The following P4HA3 variants were observed in gnomAD, a reference collection of about 807,000 sequenced individuals.
P4HA3 encodes the protein prolyl 4-hydroxylase subunit alpha 3.
Under a neutral mutation model 66.7 loss-of-function variants are expected in P4HA3, and 60 were observed. The observed-to-expected ratio is 0.90, with a 90% CI of 0.73 to 1.12. The LOEUF (loss-of-function observed/expected upper bound fraction) is 1.12. Ranked by LOEUF, P4HA3 falls within the 50% of genes most tolerant of loss-of-function variation. The pLI is 0.00. For synonymous variants in P4HA3, 263 were observed against 274.6 expected (o/e 0.96, Z 0.42); for missense variants, 683 against 685.8 (o/e 1.00, Z 0.05).
At chr11:74,303,293 T>C in intron 2 of P4HA3, among the ~76,000 whole-genome samples, 1 of 54,138 alleles carries the variant, frequency 1.8e-5, no homozygotes, top group African/African-American at 7.9e-5. Context: ...AACAAACTTC[T>C]TTTTTTTTTT....
At chr11:74,306,333 G>T (rs1861580692) in intron 1 of P4HA3, among the ~76,000 whole-genome samples, 1 of 152,186 alleles carries the variant, frequency 6.6e-6, no homozygotes, top group Non-Finnish European at 1.5e-5. Context: ...ATAGGCAAAA[G>T]ATGCTGTTTC....
intron 15 of P4HA3, chr11:74,251,821 T>G (rs746352218): frequency 2.2e-6 from 3 of 1,372,176 alleles, no homozygotes; most frequent in Non-Finnish European, 3.1e-6. Context: ...CCTGGTTTGG[T>G]CACCATGCCT....
chr11:74,303,149 C>G (rs1241888319), intron 2 of P4HA3, among the ~76,000 whole-genome samples: 1 of 152,058 alleles, frequency 6.6e-6, no homozygotes, highest in Non-Finnish European at 1.5e-5. Flanking sequence ...GAGACAGGGT[C>G]TTGCTATGTT....
intron 9 of P4HA3, among the ~76,000 whole-genome samples, chr11:74,276,222 T>G (rs1332592137): frequency 6.6e-6 from 1 of 152,162 alleles, no homozygotes; most frequent in Non-Finnish European, 1.5e-5. Context: ...AGTTGGGTGA[T>G]GGGTACACTA....
chr11:74,311,362 A>C (rs1323380125), intron 1 of P4HA3, 50 bp downstream of exon 1: 11 of 1,426,116 alleles, frequency 7.7e-6, no homozygotes, highest in African/African-American at 3.0e-5. Context: ...CCTGCGGCAC[A>C]GTGTATCCCA....
chr11:74,257,456 A>G (rs1015191535), intron 15 of P4HA3, among the ~76,000 whole-genome samples: 6 of 152,166 alleles, frequency 3.9e-5, no homozygotes, highest in Non-Finnish European at 7.4e-5. Flanking sequence ...GCCTTGAAGT[A>G]TCACAAAGTG....
At chr11:74,272,433 C>T (rs1344222301) in intron 10 of P4HA3, among the ~76,000 whole-genome samples, 3 of 152,184 alleles carry the variant, frequency 2.0e-5, no homozygotes, top group African/African-American at 7.2e-5. Context: ...CCCATAACAG[C>T]TGGAGTGGTC....
chr11:74,251,041 G>A lies in P4HA3; in HGVS notation c.*1319-3040C>T, dbSNP rs777120381. On this transcript the variant is annotated intron_variant and NMD_transcript_variant, in intron 15 of 15. Transcript: ENST00000524388. ...AAGGTGAGTCTGGTGCTCAGTGACT[G>A]TAAAAGGACAACTGTGAGAATAACC... 10 of 1,576,386 alleles carry A rather than the reference G, an allele frequency of 6.3e-6. No individual in the cohort carries two copies. The South Asian group carries it at 9.3e-5, about 15-fold the overall frequency.
chr11:74,304,359 T>TTAGCCA lies in P4HA3; in HGVS notation c.248_253dup (p.Ala84_Asn85insMetAla), dbSNP rs762431994. The TTAGCCA allele has an allele frequency of 1.1e-5, 18 of 1,614,026 alleles. No homozygotes were observed. The highest frequency in any genetic ancestry group is 1.4e-5 in the Non-Finnish European group (17 of 1,179,962). On this transcript the variant is annotated inframe_insertion, in exon 2 of 13. Transcript: ENST00000331597. Reference sequence around the variant, plus strand: ...GATGAGAGTAAATGCAAGCAGAGGGTTAGCCACAGGGGTTGTTGAATCCTC... The same window carrying TTAGCCA: ...GATGAGAGTAAATGCAAGCAGAGGGTTAGCCATAGCCACAGGGGTTGTTGAATCCTC...
intron 5 of P4HA3, chr11:74,287,152 C>A: frequency 8.0e-7 from 1 of 1,243,290 alleles, no homozygotes; most frequent in Non-Finnish European, 1.0e-6. Context: ...ATGCCCCATG[C>A]ATTGGCAGAG....
At chr11:74,308,794 C>T (rs1861645844) in intron 1 of P4HA3, among the ~76,000 whole-genome samples, 1 of 152,072 alleles carries the variant, frequency 6.6e-6, no homozygotes, top group African/African-American at 2.4e-5. Flanking sequence ...AGCATAAAGG[C>T]TTAGCATTTG....
At chr11:74,273,809 C>T (rs1325751821) in intron 9 of P4HA3, among the ~76,000 whole-genome samples, 1 of 151,442 alleles carries the variant, frequency 6.6e-6, no homozygotes, top group Admixed American at 6.6e-5. Flanking sequence ...TTATTAGATA[C>T]TTATATAAAA....
At chr11:74,256,762 G>A (rs1387059538) in intron 15 of P4HA3, among the ~76,000 whole-genome samples, 1 of 152,146 alleles carries the variant, frequency 6.6e-6, no homozygotes, top group Non-Finnish European at 1.5e-5. Context: ...AAGTCCAAGG[G>A]AAACTCCTTC....
In P4HA3 at chr11:74,253,343, G is replaced by A. The variant is rs897115432; in HGVS notation, c.*1319-5342C>T. The A allele has an allele frequency of 7.9e-6, 6 of 757,530 alleles. No individual in the cohort carries two copies. The African/African-American group carries it at 1.0e-4, about 13-fold the overall frequency. 46.9% of individuals were successfully genotyped at this position (757,530 alleles called of 1,614,324 possible). On this transcript the variant is annotated intron_variant and NMD_transcript_variant, in intron 15 of 15. Transcript: ENST00000524388. ...GAGCAGCACACTGAGAGCAGACCCT[G>A]GGTCCAGCTCTGGTCAGGGCTGTGA...
Position 74,290,926 on chromosome 11 carries a change from G to A in P4HA3, c.718-1796C>T, listed in dbSNP as rs1265490398. On this transcript the variant is annotated intron_variant, in intron 4 of 12. Transcript: ENST00000331597. ...TGGCTTAGGATTGACTTGGCGATGC[G>A]GGCTCTTTTTTGATTCCATATGAAT... Among the ~76,000 whole-genome samples the A allele has an allele frequency of 3.3e-5, 5 of 152,166 alleles. No individual in the cohort carries two copies. In the South Asian group the frequency reaches 6.2e-4, roughly 19 times the overall value.
intron 14 of P4HA3, among the ~76,000 whole-genome samples, chr11:74,260,580 T>C (rs914427575): frequency 2.0e-5 from 3 of 152,202 alleles, no homozygotes; most frequent in African/African-American, 7.2e-5. Flanking sequence ...AGATTACAGA[T>C]CATAAAGTTA....
intron 4 of P4HA3, among the ~76,000 whole-genome samples, chr11:74,292,229 G>A (rs192629778): frequency 6.6e-6 from 1 of 152,294 alleles, no homozygotes; most frequent in East Asian, 1.9e-4. Context: ...TAGTTTATTT[G>A]CGTAGAGGTG....
At chr11:74,251,032 T>C in intron 15 of P4HA3, 1 of 1,583,256 alleles carries the variant, frequency 6.3e-7, no homozygotes, top group Middle Eastern at 1.7e-4. Flanking sequence ...AGTCTGGTGC[T>C]CAGTGACTGT....
At chr11:74,295,168 A>G (rs748063585) in intron 4 of P4HA3, among the ~76,000 whole-genome samples, 1 of 152,200 alleles carries the variant, frequency 6.6e-6, no homozygotes, top group Non-Finnish European at 1.5e-5. Flanking sequence ...ATTTAACCCA[A>G]TGTGGAACTA....
Sources: allele counts gnomAD v4.1 joint callset (sites outside exome capture counted in the v4.1 genomes callset), GRCh38; gene constraint gnomAD v4.1.1; transcripts MANE v1.5; gene names NCBI Gene and HGNC (gene_info 2026-07-23, HGNC 2026-07-21).